DCC: variants seen among roughly 807,000 people sequenced by gnomAD.
DCC encodes the protein DCC netrin 1 receptor, also known as netrin receptor DCC.
In DCC, 58 loss-of-function variants were observed where a neutral mutation model predicts 172.5. The ratio of observed to expected loss-of-function variants is 0.34; its 90% CI spans 0.27 to 0.42. The LOEUF (loss-of-function observed/expected upper bound fraction) is 0.42, where lower values mean the gene tolerates loss of function less well. DCC is among the 10% of genes least tolerant of loss of function. The probability of loss-of-function intolerance (pLI) is 1.00; values close to 1 mark genes in which losing one functional copy is unlikely to be tolerated. For missense variants in DCC, 1,740 were observed against 1,791.0 expected, an observed-to-expected ratio of 0.97 and a Z score of 0.51; for synonymous variants, 709 against 644.5, an observed-to-expected ratio of 1.10 and a Z score of -1.52.
chr18:53,529,880 G>C (rs2046506075), intron 28 of DCC, among the ~76,000 whole-genome samples: 1 of 152,106 alleles, frequency 6.6e-6, no homozygotes, highest in African/African-American at 2.4e-5. Context: ...AGTTCACTAG[G>C]CATTCTGGAG....
chr18:52,620,733 C>T (rs185171743), intron 1 of DCC, among the ~76,000 whole-genome samples: 2 of 151,802 alleles, frequency 1.3e-5, no homozygotes, highest in African/African-American at 4.8e-5. Flanking sequence ...TAGACGATGT[C>T]GGAGGAAAAA....
At chr18:53,340,457 T>C (rs931087777) in intron 15 of DCC, among the ~76,000 whole-genome samples, 9 of 152,238 alleles carry the variant, frequency 5.9e-5, no homozygotes, top group African/African-American at 1.9e-4. Context: ...GTCAAGACAA[T>C]ACATTAGAAT....
intron 1 of DCC, among the ~76,000 whole-genome samples, chr18:52,512,023 C>G (rs1189229075): frequency 6.6e-6 from 1 of 152,072 alleles, no homozygotes; most frequent in Non-Finnish European, 1.5e-5. Context: ...AAAGACAGCT[C>G]CCATTTGACA....
At chr18:52,515,091 T>C (rs1044992178) in intron 1 of DCC, among the ~76,000 whole-genome samples, 1 of 152,158 alleles carries the variant, frequency 6.6e-6, no homozygotes, top group African/African-American at 2.4e-5. Context: ...AGCAGAAGGA[T>C]AGACATATAG....
chr18:53,112,669 G>C (rs2043349663), intron 7 of DCC, among the ~76,000 whole-genome samples: 1 of 151,412 alleles, frequency 6.6e-6, no homozygotes, highest in Non-Finnish European at 1.5e-5. Context: ...ACTCTTAAAG[G>C]GCCTCCTTAA....
intron 1 of DCC, among the ~76,000 whole-genome samples, chr18:52,671,946 A>G (rs2035561696): frequency 1.3e-5 from 2 of 152,174 alleles, no homozygotes; most frequent in Admixed American, 1.3e-4. Flanking sequence ...ATAATTAAAA[A>G]GCCAGATACA....
At chr18:53,056,928 G>A (rs184527989) in intron 5 of DCC, among the ~76,000 whole-genome samples, 1 of 152,082 alleles carries the variant, frequency 6.6e-6, no homozygotes, top group African/African-American at 2.4e-5. Context: ...TCAAAGAGCT[G>A]TGGTAATTCT....
rs2040159352 is a variant in DCC at position 52,923,761 on chromosome 18, C to A, written c.752C>A (p.Ala251Asp). 6.2e-7 allele frequency: 1 copy of A among 1,610,210 alleles called. No individual in the cohort carries two copies. The highest frequency in any genetic ancestry group is 8.5e-7 in the Non-Finnish European group (1 of 1,176,764). The change falls in exon 4 of 29, where the codon GCC (alanine) becomes GAC (aspartate). Residue 251 changes from alanine (A) to aspartate (D), a missense_variant. Physicochemically the swap from Ala to Asp is moderately radical, Grantham distance 126. Around this residue, in one of 2 missense-constraint regions of DCC, gnomAD observed 1,732 missense variants for 1,767.4 expected, o/e 0.98. Transcript: ENST00000442544. Reference protein sequence around the residue: ...YFLQRPSNVVAIEGKDAVLEC... With the variant: ...YFLQRPSNVVDIEGKDAVLEC... The stretch of plus-strand genomic sequence containing the variant: ...CTGCAAAGACCATCCAATGTAGTAG[C>A]CATTGAAGGAAAAGATGCTGTCCTG...
At chr18:52,485,897 C>A (rs1366601873) in intron 1 of DCC, among the ~76,000 whole-genome samples, 4 of 151,806 alleles carry the variant, frequency 2.6e-5, no homozygotes, top group African/African-American at 9.7e-5. Flanking sequence ...ATTTTTAGAT[C>A]ATAAATATCA....
At chr18:53,129,488 C>T (rs185957675) in intron 7 of DCC, among the ~76,000 whole-genome samples, 7 of 152,074 alleles carry the variant, frequency 4.6e-5, no homozygotes, top group African/African-American at 1.7e-4. Flanking sequence ...TATTATTCCC[C>T]TCTCCCTCAT....
At chr18:52,584,700 CAGAT>C (rs1168136815) in intron 1 of DCC, among the ~76,000 whole-genome samples, 1 of 151,210 alleles carries the variant, frequency 6.6e-6, no homozygotes, top group African/African-American at 2.4e-5. Context: ...CCACCATGCC[CAGAT>C]AATTTTTTTT....
At chr18:53,090,890 G>C (rs1300484680) in intron 7 of DCC, among the ~76,000 whole-genome samples, 1 of 151,778 alleles carries the variant, frequency 6.6e-6, no homozygotes, top group Non-Finnish European at 1.5e-5. Context: ...TGGTGGCATG[G>C]TCTACAGTTA....
chr18:52,846,880 CAG>C (rs1433570073), intron 2 of DCC, among the ~76,000 whole-genome samples: 1 of 152,030 alleles, frequency 6.6e-6, no homozygotes, highest in Non-Finnish European at 1.5e-5. Flanking sequence ...ATGGTTCAGG[CAG>C]GGGGCGAGCA....
chr18:53,523,278 G>C lies in DCC; in HGVS notation c.4112-3339G>C, dbSNP rs189379017. ...GTCAGGAAACAACAGATGCTAGAGA[G>C]GATGTGGAGAAATAGGAACACTTTT... On this transcript the variant is annotated intron_variant, in intron 27 of 28. Coordinates refer to ENST00000442544, the MANE Select transcript of DCC (RefSeq NM_005215.4). Among the ~76,000 whole-genome samples the C allele has an allele frequency of 8.5e-5, 13 of 152,268 alleles. 1 individual carries two copies. Among genetic ancestry groups the C allele is most frequent in the Non-Finnish European group, 1.8e-4 (12 of 68,024 alleles).
At chr18:52,803,931 GTTTT>G (rs1233238420) in intron 2 of DCC, among the ~76,000 whole-genome samples, 41 of 152,268 alleles carry the variant, frequency 2.7e-4, no homozygotes, top group African/African-American at 9.6e-4. Flanking sequence ...ATGTGATGAC[GTTTT>G]GCTGGGGATG....
intron 2 of DCC, among the ~76,000 whole-genome samples, chr18:52,761,862 T>C (rs892856813): frequency 2.3e-5 from 3 of 129,556 alleles, no homozygotes; most frequent in Non-Finnish European, 4.6e-5. Flanking sequence ...TGAGCCGAGA[T>C]AGCGCCACTG....
chr18:53,403,287 CTGTGTTTGTG>C (rs78395561), intron 19 of DCC, among the ~76,000 whole-genome samples: 64,227 of 151,694 alleles, frequency 0.42, 15,341 homozygotes, highest in Non-Finnish European at 0.55. Flanking sequence ...TGCTTAATGA[CTGTGTTTGTG>C]TGTGTTTGTG....
At chr18:52,458,366 C>A (rs347535) in intron 1 of DCC, among the ~76,000 whole-genome samples, 29 of 152,048 alleles carry the variant, frequency 1.9e-4, no homozygotes, top group South Asian at 1.9e-3. Context: ...CATTGTCCCC[C>A]CCTGACTGCG....
intron 7 of DCC, among the ~76,000 whole-genome samples, chr18:53,077,084 A>AT (rs34629572): frequency 0.16 from 24,181 of 151,306 alleles, 2,609 homozygotes; most frequent in East Asian, 0.36. Context: ...GGATTCAAAG[A>AT]TTTTTTTTTA....
Sources: gnomAD v4.1 joint callset for allele counts (sites outside exome capture counted in the v4.1 genomes callset) on GRCh38, gnomAD v4.1.1 for gene constraint, gnomAD v4.1.1 regional missense constraint, MANE v1.5 for transcripts, NCBI Gene and HGNC (gene_info 2026-07-23, HGNC 2026-07-21) for gene names.